Variants in TAMM41 observed in about 807,000 individuals in gnomAD.
TAMM41 encodes the protein phosphatidate cytidylyltransferase, mitochondrial.
A neutral mutation model predicts 44.1 loss-of-function variants in TAMM41; 36 were observed. The ratio of observed to expected loss-of-function variants is 0.82; its 90% confidence interval spans 0.63 to 1.08. TAMM41 has a LOEUF of 1.08. TAMM41 is among the 50% of genes least tolerant of loss of function. TAMM41 has a pLI of 0.00. For missense variants in TAMM41, 417 were observed against 404.3 expected (o/e 1.03, Z -0.27); for synonymous variants, 164 against 153.1 (o/e 1.07, Z -0.53).
At chr3:11,729,525 C>A in the TAMM41 span, among the ~76,000 whole-genome samples, 3 of 58,374 alleles carry the variant, frequency 5.1e-5, 1 homozygote, top group Admixed American at 2.0e-4. Flanking sequence ...TTCTTTCTTT[C>A]TTTTCTTTCT....
At chr3:11,762,949 A>C in the TAMM41 span, among the ~76,000 whole-genome samples, 1 of 152,174 alleles carries the variant, frequency 6.6e-6, no homozygotes, top group Admixed American at 6.5e-5. Flanking sequence ...GATGCAGGGG[A>C]ATCACTTGAA....
intron 4 of TAMM41, among the ~76,000 whole-genome samples, chr3:11,820,341 A>T (rs1460755692): frequency 1.3e-5 from 2 of 152,166 alleles, no homozygotes; most frequent in Admixed American, 1.3e-4. Flanking sequence ...AAGTTCCTCA[A>T]TTTTAGACAG....
the TAMM41 span, among the ~76,000 whole-genome samples, chr3:11,726,760 G>A: frequency 8.1e-5 from 12 of 148,488 alleles, no homozygotes; most frequent in African/African-American, 1.3e-4. Context: ...TTGAGATCGC[G>A]CTGCTGCACT....
the TAMM41 span, among the ~76,000 whole-genome samples, chr3:11,770,736 A>G: frequency 6.6e-6 from 1 of 152,190 alleles, no homozygotes; most frequent in Non-Finnish European, 1.5e-5. Flanking sequence ...TAGAGCAGGA[A>G]CAGAAGTACG....
At chr3:11,828,765 G>A (rs1432843393) in intron 4 of TAMM41, among the ~76,000 whole-genome samples, 1 of 152,082 alleles carries the variant, frequency 6.6e-6, no homozygotes, top group Non-Finnish European at 1.5e-5. Context: ...ATGAATTTTG[G>A]GAAGATGGAA....
the TAMM41 span, among the ~76,000 whole-genome samples, chr3:11,750,729 T>A: frequency 4.6e-5 from 7 of 152,328 alleles, no homozygotes; most frequent in East Asian, 1.3e-3. Flanking sequence ...AGAGCCTGGG[T>A]ATCCACAAGC....
intron 7 of TAMM41, among the ~76,000 whole-genome samples, chr3:11,804,536 A>AT (rs1251410397): frequency 1.3e-5 from 2 of 152,212 alleles, no homozygotes; most frequent in African/African-American, 4.8e-5. Context: ...CTGAAAAATA[A>AT]TTAACAATAA....
chr3:11,791,643 A>G (rs2077479894), intron 7 of TAMM41, among the ~76,000 whole-genome samples: 1 of 152,188 alleles, frequency 6.6e-6, no homozygotes, highest in Non-Finnish European at 1.5e-5. Context: ...CGCTCTGGAC[A>G]TGCCTAGCAC....
At chr3:11,752,493 C>T in the TAMM41 span, among the ~76,000 whole-genome samples, 1 of 151,956 alleles carries the variant, frequency 6.6e-6, no homozygotes, top group Non-Finnish European at 1.5e-5. Flanking sequence ...CTGATTGGTG[C>T]GTTTTACAAT....
At chr3:11,809,291 G>A (rs2078015344) in intron 6 of TAMM41, 9 of 553,620 alleles carry the variant, frequency 1.6e-5, no homozygotes, top group Non-Finnish European at 2.5e-5. Flanking sequence ...CTTTGACAGT[G>A]ATTTAGGATC....
chr3:11,725,183 TC>T, the TAMM41 span, among the ~76,000 whole-genome samples: 2 of 137,534 alleles, frequency 1.5e-5, no homozygotes, highest in South Asian at 5.2e-4. Flanking sequence ...TTCTCTTCCC[TC>T]TTTTGCTCCC....
chr3:11,809,019 C>G (rs1453939075), intron 6 of TAMM41: 1 of 184,128 alleles, frequency 5.4e-6, no homozygotes, highest in Non-Finnish European at 1.1e-5. Context: ...CTGCACCTGG[C>G]CTGGGTTCAG....
chr3:11,845,045 T>C (rs1244394501), intron 1 of TAMM41: 1 of 454,596 alleles, frequency 2.2e-6, no homozygotes, highest in Non-Finnish European at 4.4e-6. Context: ...TGGAGGAAAG[T>C]GCTCTGTGGA....
chr3:11,727,933 T>C, the TAMM41 span, among the ~76,000 whole-genome samples: 1 of 151,740 alleles, frequency 6.6e-6, no homozygotes, highest in African/African-American at 2.4e-5. Context: ...ATTACAGGCA[T>C]GCACCTCCAC....
chr3:11,760,879 T>C, the TAMM41 span, among the ~76,000 whole-genome samples: 152,040 of 152,040 alleles, frequency 1, 76,020 homozygotes, highest in Non-Finnish European at 1. Flanking sequence ...TTAAAATCAT[T>C]TTCAGGCCCA....
chr3:11,823,254 G>GTTTTT (rs912198535), intron 4 of TAMM41, among the ~76,000 whole-genome samples: 7 of 126,762 alleles, frequency 5.5e-5, no homozygotes, highest in African/African-American at 8.6e-5. Context: ...TGTTGTTGTT[G>GTTTTT]TTTTTTTTTT....
the TAMM41 span, among the ~76,000 whole-genome samples, chr3:11,767,626 A>ATTT: frequency 6.1e-4 from 37 of 60,712 alleles, 5 homozygotes; most frequent in African/African-American, 2.0e-3. Flanking sequence ...CACGTTGTGC[A>ATTT]TTTTTTTTTT....
At chr3:11,724,008 G>T in the TAMM41 span, among the ~76,000 whole-genome samples, 2 of 151,672 alleles carry the variant, frequency 1.3e-5, no homozygotes, top group Non-Finnish European at 1.5e-5. Flanking sequence ...GGATGGGGGG[G>T]GGTGACACTA....
the TAMM41 span, among the ~76,000 whole-genome samples, chr3:11,733,005 T>G: frequency 2.0e-3 from 144 of 71,386 alleles, 4 homozygotes; most frequent in South Asian, 8.1e-3. Flanking sequence ...TTTTTGTTTG[T>G]TTGTTTGTTT....
Sources: allele counts gnomAD v4.1 joint callset (sites outside exome capture counted in the v4.1 genomes callset), GRCh38; gene constraint gnomAD v4.1.1; transcripts MANE v1.5; gene names NCBI Gene and HGNC (gene_info 2026-07-23, HGNC 2026-07-21).